TAF6L: variants seen among roughly 807,000 people sequenced by gnomAD.
The protein encoded by TAF6L is TATA-box binding protein associated factor 6 like.
In TAF6L, 34 loss-of-function variants were observed where a neutral mutation model predicts 57.3. The ratio of observed to expected loss-of-function variants is 0.59; its 90% CI spans 0.45 to 0.79. The LOEUF is 0.79. Ranked by LOEUF, TAF6L falls within the 30% of genes least tolerant of loss-of-function variation. The probability of loss-of-function intolerance (pLI) is 0.00; values close to 1 mark genes in which losing one functional copy is unlikely to be tolerated. For synonymous variants in TAF6L, 417 were observed against 376.3 expected, an observed-to-expected ratio of 1.11 and a Z score of -1.25; for missense variants, 782 against 853.2, an observed-to-expected ratio of 0.92 and a Z score of 1.04.
chr11:62,777,228 G>A (rs1173299174), intron 3 of TAF6L, among the ~76,000 whole-genome samples: 1 of 152,132 alleles, frequency 6.6e-6, no homozygotes, highest in African/African-American at 2.4e-5. Context: ...CTGGGAGGCT[G>A]AGGCAGGAGA....
At chr11:62,773,949 T>C (rs561755230) in intron 1 of TAF6L, among the ~76,000 whole-genome samples, 2 of 152,146 alleles carry the variant, frequency 1.3e-5, no homozygotes, top group Non-Finnish European at 2.9e-5. Flanking sequence ...ATAGGTGTAT[T>C]TGAGGAACTG....
At position 62,778,350 on chromosome 11, in the gene TAF6L, A is replaced by G; in HGVS notation, c.436+15A>G. 1.2e-6 allele frequency: 2 copies of G among 1,614,152 alleles called. No individual in the cohort carries two copies. Among genetic ancestry groups the G allele is most frequent in the Non-Finnish European group, 8.5e-7 (1 of 1,180,010 alleles). ...TCAAGGATCGGGTAAGGGGTGATGT[A>G]GGAAACAGGCTCTTTGGATGAATTT... On this transcript the variant is annotated intron_variant, in intron 5 of 10. Coordinates refer to ENST00000294168, the MANE Select transcript of TAF6L (RefSeq NM_006473.4).
chr11:62,777,922 C>T (rs2084198907), intron 3 of TAF6L, 56 bp from the exon 4 acceptor site: 1 of 1,592,200 alleles, frequency 6.3e-7, no homozygotes, highest in East Asian at 2.2e-5. Context: ...ATCCTGGATC[C>T]TGACGCCTGC....
chr11:62,781,868 A>G (rs1176166434), intron 6 of TAF6L, 26 bp from the exon 7 acceptor site: 1 of 1,609,310 alleles, frequency 6.2e-7, no homozygotes, highest in African/African-American at 1.3e-5. Context: ...TGGTGGATCC[A>G]ATGCAGTCTG....
intron 9 of TAF6L, among the ~76,000 whole-genome samples, chr11:62,785,826 C>T (rs1463876704): frequency 6.6e-6 from 1 of 152,218 alleles, no homozygotes; most frequent in African/African-American, 2.4e-5. Context: ...TGAGCCACAG[C>T]GCCTGTCCAA....
intron 6 of TAF6L, 56 bp downstream of exon 6, chr11:62,779,019 G>GTT (rs373542247): frequency 0.02 from 17,826 of 910,248 alleles, 3 homozygotes; most frequent in East Asian, 0.025. Context: ...TTCTAGACCT[G>GTT]TTTTTTTTTT....
At chr11:62,778,257 C>T in intron 4 of TAF6L, 28 bp from the exon 5 acceptor site, 1 of 1,614,148 alleles carries the variant, frequency 6.2e-7, no homozygotes, top group Non-Finnish European at 8.5e-7. Flanking sequence ...AAACGCCAGG[C>T]TGACACATCT....
Position 62,786,914 on chromosome 11 carries a change from C to A in TAF6L, c.1487C>A (p.Pro496Gln). ...CTGACGGCAAGCGCCATAGTCAGCC[C>A]GCACGGCGACGAGAGCCCCCGGGGC... is the stretch of plus-strand genomic sequence containing the variant. ...PQLTASAIVS[P>Q]HGDESPRGSG... Residue 496 changes from proline (P) to glutamine (Q), a missense_variant, in exon 11 of 11, where the codon CCG becomes CAG. This residue lies in a region of TAF6L where 483 missense variants were observed against 445.1 expected (regional missense o/e 1.09). Coordinates refer to ENST00000294168, the MANE Select transcript of TAF6L (RefSeq NM_006473.4). 6.7e-7 allele frequency: 1 copy of A among 1,499,430 alleles called. No homozygotes were observed. Among genetic ancestry groups the A allele is most frequent in the Non-Finnish European group, 8.8e-7 (1 of 1,133,512 alleles). The allele number at this position is 1,499,430 out of a possible 1,614,324, so 92.9% of individuals were successfully genotyped here.
At position 62,782,755 on chromosome 11, in the gene TAF6L, T is replaced by A; in HGVS notation, c.890T>A (p.Leu297Gln). 1 of 1,613,088 alleles carries A rather than the reference T, an allele frequency of 6.2e-7. No homozygotes were observed. Among genetic ancestry groups the A allele is most frequent in the Non-Finnish European group, 8.5e-7 (1 of 1,180,032 alleles). The part of the protein sequence containing the change: ...QHILLSLQKI[L>Q]ADPVRPLCCH... ...ATCCTGCTATCCCTGCAGAAGATCC[T>A]GGCAGATCCTGTGCGGCCGCTCTGC... The change falls in exon 9 of 11, where the codon CTG becomes CAG. Residue 297 changes from leucine (L) to glutamine (Q), a missense_variant. Leu to Gln is a moderately radical substitution (Grantham distance 113). Transcript: ENST00000294168.
intron 6 of TAF6L, among the ~76,000 whole-genome samples, chr11:62,779,675 A>AT (rs1335989637): frequency 2.0e-5 from 3 of 149,716 alleles, no homozygotes; most frequent in Non-Finnish European, 3.0e-5. Context: ...TTAAAAAAAC[A>AT]TTTTTTTTAA....
rs2084180290 is a variant in TAF6L, at chr11:62,775,605, T to C, written c.-13-166T>C. The stretch of plus-strand genomic sequence containing the variant: ...TCACCGTTCTTGACCCACTGGCCAG[T>C]CTGTTTCCTTCTCTGAGCCTCACTT... On this transcript the variant is annotated intron_variant, in intron 1 of 10. Transcript: ENST00000294168. 3 of 686,998 alleles carry C rather than the reference T, an allele frequency of 4.4e-6. No homozygotes were observed. The South Asian group carries it at 6.1e-5, about 14-fold the overall frequency. 42.6% of individuals were successfully genotyped at this position (686,998 alleles called of 1,614,324 possible). A position where few individuals can be genotyped will look rare whatever the true frequency, so the allele number is the denominator to read the frequency against.
Position 62,786,514 on chromosome 11 carries a change from C to G in TAF6L, c.1090-3C>G. 2.6e-6 allele frequency: 4 copies of G among 1,559,402 alleles called. No individual in the cohort carries two copies. In the South Asian group the frequency reaches 3.6e-5, roughly 14 times the overall value. ...TGCCTATCTTAGTCCTTGGCTCTTA[C>G]AGGTGGCGGTAGAGCGACTGCTGAA... On this transcript the variant is annotated splice_region_variant and splice_polypyrimidine_tract_variant and intron_variant, in intron 10 of 10. Coordinates refer to ENST00000294168, the MANE Select transcript of TAF6L (RefSeq NM_006473.4).
rs1259849950 is a variant in TAF6L, at chr11:62,787,318, T to A, written c.*22T>A. ...CTGAGTCAGTGGCCCCTTCGTTCCT[T>A]GTAAATAAATCCCGCCCCCGGAAAT... On this transcript the variant is annotated 3_prime_UTR_variant, in exon 11 of 11. Transcript: ENST00000294168. The A allele has an allele frequency of 2.0e-6, 3 of 1,526,034 alleles. No homozygotes were observed. Among genetic ancestry groups the A allele is most frequent in the South Asian group, 2.5e-5 (2 of 81,532 alleles). 94.5% of individuals were successfully genotyped at this position (1,526,034 alleles called of 1,614,324 possible). A position where few individuals can be genotyped will look rare whatever the true frequency, so the allele number is the denominator to read the frequency against.
Position 62,786,585 on chromosome 11 carries a change from C to A in TAF6L, c.1158C>A (p.Gly386=). The A allele has an allele frequency of 6.4e-7, 1 of 1,574,532 alleles. No individual in the cohort carries two copies. Among genetic ancestry groups the A allele is most frequent in the Non-Finnish European group, 8.6e-7 (1 of 1,161,214 alleles). Residue 386 remains glycine, a synonymous_variant, in exon 11 of 11, where the codon GGC becomes GGA. Transcript: ENST00000294168. ...AAEPNRGGPG[G]RGCRRLDDLP... ...AGCCCAACAGGGGTGGCCCAGGTGG[C>A]AGGGGGTGCCGGCGCCTGGACGACC...
chr11:62,784,429 C>T lies in TAF6L; in HGVS notation c.960+1604C>T, dbSNP rs1038812998. ...ACGCCATTCTCCTGCCTCAGCCTCC[C>T]GAGAGTAGCTGGGACTACAGGCGCC... On this transcript the variant is annotated intron_variant, in intron 9 of 10. Transcript: ENST00000294168. Among the ~76,000 whole-genome samples the T allele has an allele frequency of 8.6e-5, 13 of 151,732 alleles. No individual in the cohort carries two copies. The South Asian group carries it at 1.9e-3, about 22-fold the overall frequency.
intron 6 of TAF6L, 110 bp from the exon 7 acceptor site, chr11:62,781,784 T>A: frequency 1.0e-6 from 1 of 965,836 alleles, no homozygotes; most frequent in Non-Finnish European, 1.6e-6. Context: ...AATATGAACA[T>A]TAAAATTGTA....
chr11:62,782,044 G>A, intron 7 of TAF6L, 69 bp from the exon 8 acceptor site: 1 of 1,594,614 alleles, frequency 6.3e-7, no homozygotes, highest in Non-Finnish European at 8.6e-7. Context: ...CTCATGGCAA[G>A]TGCTGTCAGA....
At position 62,786,647 on chromosome 11, in the gene TAF6L, C is replaced by T; in HGVS notation, c.1220C>T (p.Ser407Phe). 1.9e-6 allele frequency: 3 copies of T among 1,604,670 alleles called. No homozygotes were observed. Among genetic ancestry groups the T allele is most frequent in the Non-Finnish European group, 2.6e-6 (3 of 1,175,930 alleles). The change falls in exon 11 of 11, where the codon TCC becomes TTC. Residue 407 changes from serine (S) to phenylalanine (F), a missense_variant. Coordinates refer to ENST00000294168, the MANE Select transcript of TAF6L (RefSeq NM_006473.4). ...AGCCTTCTCTTTCAAGAGTCGTCCTCCGGGGGCGGTGCAGAACCCAGCTTT... is the reference window on the plus strand; with the variant it reads ...AGCCTTCTCTTTCAAGAGTCGTCCTTCGGGGGCGGTGCAGAACCCAGCTTT... ...WDSLLFQESS[S>F]GGGAEPSFGS... is the part of the protein sequence containing the mutation.
At chr11:62,772,170 T>A in intron 1 of TAF6L, 1 of 456,200 alleles carries the variant, frequency 2.2e-6, no homozygotes, top group Non-Finnish European at 4.4e-6. Context: ...TATCTTATTA[T>A]TGAGAATATA....
Sources: allele counts gnomAD v4.1 joint callset (sites outside exome capture counted in the v4.1 genomes callset), GRCh38; gene constraint gnomAD v4.1.1; regional missense constraint gnomAD v4.1.1; transcripts MANE v1.5; gene names NCBI Gene and HGNC (gene_info 2026-07-23, HGNC 2026-07-21).